CACNA2D3: variants seen among roughly 807,000 people sequenced by gnomAD.
CACNA2D3 encodes calcium voltage-gated channel auxiliary subunit alpha2delta 3.
In CACNA2D3, 60 loss-of-function variants were observed where a neutral mutation model predicts 160.6. The ratio of observed to expected loss-of-function variants is 0.37; its 90% CI spans 0.30 to 0.46. The LOEUF (loss-of-function observed/expected upper bound fraction) is 0.46, where lower values mean the gene tolerates loss of function less well. Among genes scored for constraint, CACNA2D3 ranks in the 20% least tolerant of loss-of-function variants. The pLI is 1.00. For synonymous variants in CACNA2D3, 558 were observed against 492.9 expected, an observed-to-expected ratio of 1.13 and a Z score of -1.75; for missense variants, 1,205 against 1,365.0, an observed-to-expected ratio of 0.88 and a Z score of 1.85.
chr3:54,222,867 G>T (rs2107379991), intron 2 of CACNA2D3, among the ~76,000 whole-genome samples: 1 of 152,216 alleles, frequency 6.6e-6, no homozygotes, highest in Admixed American at 6.5e-5. Context: ...TAAGAAATCT[G>T]TAATATTTTT....
intron 4 of CACNA2D3, among the ~76,000 whole-genome samples, chr3:54,497,206 C>A (rs992445638): frequency 6.6e-6 from 1 of 151,988 alleles, no homozygotes; most frequent in Non-Finnish European, 1.5e-5. Flanking sequence ...GAAGAACTTG[C>A]GTCATAAAAT....
intron 11 of CACNA2D3, among the ~76,000 whole-genome samples, chr3:54,664,599 T>C (rs1700030548): frequency 2.0e-5 from 3 of 152,266 alleles, no homozygotes; most frequent in Admixed American, 6.5e-5. Context: ...GTTGTACCTC[T>C]CATTTTCCTC....
intron 13 of CACNA2D3, among the ~76,000 whole-genome samples, chr3:54,783,285 C>A (rs1232928709): frequency 1.3e-5 from 2 of 152,064 alleles, no homozygotes; most frequent in Non-Finnish European, 2.9e-5. Context: ...TTAAAAAAAA[C>A]CCATGGTACC....
chr3:54,341,282 T>A lies in CACNA2D3; in HGVS notation c.321+20724T>A, dbSNP rs186427907. On this transcript the variant is annotated intron_variant, in intron 3 of 37. Coordinates refer to ENST00000474759, the MANE Select transcript of CACNA2D3 (RefSeq NM_018398.3). Reference sequence around the variant, plus strand: ...TTTATCTTCCAAGTTTCTCAACCCTTAGACTCTACCAGTGGCTGATCAGTC... The same window carrying A: ...TTTATCTTCCAAGTTTCTCAACCCTAAGACTCTACCAGTGGCTGATCAGTC... Among the ~76,000 whole-genome samples, 203 of 152,330 alleles carry A rather than the reference T, an allele frequency of 1.3e-3. 2 individuals carry two copies. The highest frequency in any genetic ancestry group is 2.4e-4 in the Non-Finnish European group (16 of 68,026).
intron 8 of CACNA2D3, among the ~76,000 whole-genome samples, chr3:54,574,252 A>T (rs998785412): frequency 6.6e-6 from 1 of 152,252 alleles, no homozygotes; most frequent in East Asian, 1.9e-4. Flanking sequence ...TTGTTTGTGC[A>T]AATCTAATTC....
chr3:54,342,161 G>A (rs1207065832), intron 3 of CACNA2D3, among the ~76,000 whole-genome samples: 2 of 152,126 alleles, frequency 1.3e-5, no homozygotes, highest in Admixed American at 6.5e-5. Context: ...TACTATAGCA[G>A]TAGTATAATA....
intron 2 of CACNA2D3, among the ~76,000 whole-genome samples, chr3:54,257,765 A>G (rs533117817): frequency 6.6e-6 from 1 of 152,320 alleles, no homozygotes; most frequent in South Asian, 2.1e-4. Flanking sequence ...CCATGGTTGC[A>G]ATAGGCTAAT....
chr3:54,716,853 T>G (rs1335862576), intron 11 of CACNA2D3, among the ~76,000 whole-genome samples: 1 of 152,130 alleles, frequency 6.6e-6, no homozygotes, highest in African/African-American at 2.4e-5. Context: ...TTAAAAGACT[T>G]TATGTGGAGC....
intron 17 of CACNA2D3, among the ~76,000 whole-genome samples, chr3:54,861,750 G>A (rs1699295689): frequency 6.6e-6 from 1 of 152,244 alleles, no homozygotes; most frequent in South Asian, 2.1e-4. Flanking sequence ...CAATGGACAT[G>A]GTAGGTTGAT....
intron 11 of CACNA2D3, among the ~76,000 whole-genome samples, chr3:54,701,214 A>C (rs141206661): frequency 2.0e-5 from 3 of 152,188 alleles, no homozygotes; most frequent in Admixed American, 2.0e-4. Context: ...AGATGTGTGC[A>C]CTCCACCAAA....
chr3:54,296,599 C>G (rs1445626426), intron 2 of CACNA2D3, among the ~76,000 whole-genome samples: 1 of 152,144 alleles, frequency 6.6e-6, no homozygotes, highest in Middle Eastern at 3.2e-3. Context: ...CCTCTAATAA[C>G]GGGATGTGTA....
chr3:54,976,370 T>C (rs1295104244), intron 29 of CACNA2D3, among the ~76,000 whole-genome samples: 3 of 150,394 alleles, frequency 2.0e-5, no homozygotes, highest in Non-Finnish European at 4.4e-5. Flanking sequence ...TTGGGAGATA[T>C]ACCTAATGCT....
intron 2 of CACNA2D3, among the ~76,000 whole-genome samples, chr3:54,216,408 A>G (rs1476475463): frequency 2.0e-5 from 3 of 152,348 alleles, no homozygotes; most frequent in East Asian, 1.9e-4. Flanking sequence ...ACAGAAGCCA[A>G]TACTTGCATA....
chr3:54,186,023 C>G (rs1700873839), intron 2 of CACNA2D3, among the ~76,000 whole-genome samples: 1 of 152,178 alleles, frequency 6.6e-6, no homozygotes, highest in South Asian at 2.1e-4. Flanking sequence ...ATCCTCTGTT[C>G]CAGCCCTAAG....
chr3:54,794,610 T>A (rs557623315), intron 13 of CACNA2D3, among the ~76,000 whole-genome samples: 229 of 151,988 alleles, frequency 1.5e-3, no homozygotes, highest in African/African-American at 5.3e-3. Flanking sequence ...GATATATTTT[T>A]TTTTTTTTTG....
At chr3:54,350,742 A>G (rs764468454) in intron 3 of CACNA2D3, among the ~76,000 whole-genome samples, 69 of 152,152 alleles carry the variant, frequency 4.5e-4, no homozygotes, top group Non-Finnish European at 8.5e-4. Flanking sequence ...TCGAAGCATC[A>G]ACCTTGTAAA....
chr3:54,457,460 T>C (rs1247949460), intron 4 of CACNA2D3, among the ~76,000 whole-genome samples: 1 of 152,120 alleles, frequency 6.6e-6, no homozygotes, highest in East Asian at 1.9e-4. Flanking sequence ...TGTTGAGACT[T>C]GTTTTGCGAT....
chr3:54,519,382 C>G (rs1701609219), intron 5 of CACNA2D3, among the ~76,000 whole-genome samples: 1 of 152,154 alleles, frequency 6.6e-6, no homozygotes, highest in Non-Finnish European at 1.5e-5. Context: ...CGCTCTGATC[C>G]CATTCACCCT....
chr3:54,329,136 A>G (rs1704187950), intron 3 of CACNA2D3, among the ~76,000 whole-genome samples: 1 of 152,184 alleles, frequency 6.6e-6, no homozygotes. Flanking sequence ...TAAGTTGACC[A>G]TCTTTTTACA....
Sources: gnomAD v4.1 joint callset for allele counts (sites outside exome capture counted in the v4.1 genomes callset) on GRCh38, gnomAD v4.1.1 for gene constraint, MANE v1.5 for transcripts, NCBI Gene and HGNC (gene_info 2026-07-23, HGNC 2026-07-21) for gene names.